TMC5: variants seen among roughly 807,000 people sequenced by gnomAD.
TMC5 encodes transmembrane channel-like protein 5.
TMC5 carries 86 observed loss-of-function variants against 110.5 expected under a neutral mutation model. That is an observed-to-expected ratio of 0.78 (90% CI 0.65 to 0.93). TMC5 has a LOEUF of 0.93. Among genes scored for constraint, TMC5 ranks in the 40% least tolerant of loss-of-function variants. The pLI, the probability that TMC5 is intolerant of heterozygous loss-of-function variation, is 0.00. For missense variants in TMC5, 1,144 were observed against 1,222.8 expected (o/e 0.94, Z 0.96); for synonymous variants, 455 against 439.5 (o/e 1.04, Z -0.44).
chr16:19,440,627 C>A lies in TMC5; in HGVS notation c.589C>A (p.Pro197Thr). The change falls in exon 3 of 22, where the codon CCA (proline) becomes ACA (threonine). Residue 197 changes from proline to threonine, a missense_variant. By Grantham distance (38) the Pro-to-Thr change is conservative. Coordinates refer to ENST00000542583, the MANE Select transcript of TMC5 (RefSeq NM_001261841.2). The stretch of plus-strand genomic sequence containing the variant: ...GGAACATACAAGTTTTAGAATCAAT[C>A]CATACGCAGACTCTCTGGGAAAGCC... ...NLEHTSFRIN[P>T]YADSLGKPDY... 6.2e-7 allele frequency: 1 copy of A among 1,614,204 alleles called. No homozygotes were observed. Among genetic ancestry groups the A allele is most frequent in the Non-Finnish European group, 8.5e-7 (1 of 1,180,036 alleles).
At chr16:19,424,770 C>G (rs184040127) in intron 1 of TMC5, among the ~76,000 whole-genome samples, 133 of 152,330 alleles carry the variant, frequency 8.7e-4, no homozygotes, top group Admixed American at 1.4e-3. Flanking sequence ...GTGTGTCACT[C>G]TCTAAGAATG....
intron 20 of TMC5, among the ~76,000 whole-genome samples, chr16:19,495,009 TTC>T (rs1319956985): frequency 5.1e-5 from 2 of 39,508 alleles, no homozygotes; most frequent in African/African-American, 1.0e-4. Context: ...TCAGTGTCTA[TTC>T]TTTTTTTTTT....
At position 19,498,091 on chromosome 16, in the gene TMC5, G is replaced by T; in HGVS notation, c.*125G>T. 1 of 874,900 alleles carries T rather than the reference G, an allele frequency of 1.1e-6. No homozygotes were observed. The allele number at this position is 874,900 out of a possible 1,614,324, so 54.2% of individuals were successfully genotyped here. On this transcript the variant is annotated 3_prime_UTR_variant, in exon 22 of 22. Transcript: ENST00000542583. The stretch of plus-strand genomic sequence containing the variant: ...AAAATCCAAGGCTTTAGCCAGGAGC[G>T]GAAACTGACTACCATGTAATTATCA...
rs1968095857 is a variant in TMC5, at chr16:19,464,011, T to C, written c.1472T>C (p.Phe491Ser). ...ACCCTCCAGTTCACTGGGCTGGAGT[T>C]TTTCACTGGGGTGGTAAGTCCTCCA... ...KNTLQFTGLE[F>S]FTGVGYFRDT... The change falls in exon 8 of 22, where the codon TTT becomes TCT. Residue 491 changes from phenylalanine to serine, a missense_variant. By Grantham distance (155) the Phe-to-Ser change is radical. Coordinates refer to ENST00000542583, the MANE Select transcript of TMC5 (RefSeq NM_001261841.2). The C allele has an allele frequency of 1.2e-6, 2 of 1,613,982 alleles. No individual in the cohort carries two copies. Among genetic ancestry groups the C allele is most frequent in the East Asian group, 4.5e-5 (2 of 44,876 alleles).
At chr16:19,488,398 A>T (rs1261394485) in intron 17 of TMC5, among the ~76,000 whole-genome samples, 3 of 152,036 alleles carry the variant, frequency 2.0e-5, no homozygotes, top group Non-Finnish European at 1.5e-5. Context: ...CAGAATGGGG[A>T]GATGCCCCCC....
intron 20 of TMC5, 104 bp downstream of exon 20, chr16:19,494,470 C>A: frequency 1.4e-6 from 1 of 720,036 alleles, no homozygotes; most frequent in Non-Finnish European, 2.4e-6. Flanking sequence ...CATGGAAGGG[C>A]CCTTCACTCT....
rs566650516 is a variant in TMC5 at position 19,498,027 on chromosome 16, T to A, written c.*61T>A. On this transcript the variant is annotated 3_prime_UTR_variant, in exon 22 of 22. Transcript: ENST00000542583. ...GGGAGGAGACGAAAATGGAATGATT[T>A]CTTCCATGCCACCTGTGCCTTTAGG... The A allele has an allele frequency of 2.8e-4, 417 of 1,504,036 alleles. 1 individual carries two copies. The South Asian group carries it at 4.4e-3, about 16-fold the overall frequency. 93.2% of individuals were successfully genotyped at this position (1,504,036 alleles called of 1,614,324 possible). A position where few individuals can be genotyped will look rare whatever the true frequency, so the allele number is the denominator to read the frequency against.
At chr16:19,455,576 G>A (rs1451026649) in intron 5 of TMC5, among the ~76,000 whole-genome samples, 7 of 152,166 alleles carry the variant, frequency 4.6e-5, no homozygotes, top group East Asian at 3.9e-4. Context: ...GCAGGTGAAC[G>A]TTCGTTCTCT....
chr16:19,443,979 G>A, intron 3 of TMC5, 102 bp from the exon 4 acceptor site: 2 of 1,158,982 alleles, frequency 1.7e-6, no homozygotes, highest in Non-Finnish European at 2.5e-6. Flanking sequence ...ATAAATAAAT[G>A]GATGAATACA....
At chr16:19,458,997 C>T (rs139000119) in intron 5 of TMC5, among the ~76,000 whole-genome samples, 1 of 152,124 alleles carries the variant, frequency 6.6e-6, no homozygotes, top group East Asian at 1.9e-4. Flanking sequence ...CACATGCAGA[C>T]ACAACAATAA....
At chr16:19,465,778 G>GGC (rs1400764546) in intron 8 of TMC5, among the ~76,000 whole-genome samples, 2 of 152,168 alleles carry the variant, frequency 1.3e-5, no homozygotes, top group Non-Finnish European at 2.9e-5. Context: ...TGGTGACAGA[G>GGC]GCACATAATA....
upstream of TMC5, among the ~76,000 whole-genome samples, chr16:19,413,230 T>C (rs942155787): frequency 1.3e-5 from 2 of 152,094 alleles, no homozygotes; most frequent in African/African-American, 4.8e-5. Context: ...TGCCTTTAAG[T>C]GTGCCAGGGC....
chr16:19,464,449 G>A (rs1363476511), intron 8 of TMC5, among the ~76,000 whole-genome samples: 1 of 152,102 alleles, frequency 6.6e-6, no homozygotes, highest in African/African-American at 2.4e-5. Flanking sequence ...AATCAATAAA[G>A]TGTTTTCCTG....
chr16:19,451,307 G>A (rs9928719), intron 5 of TMC5, among the ~76,000 whole-genome samples: 4,499 of 152,174 alleles, frequency 0.03, 211 homozygotes, highest in African/African-American at 0.1. Context: ...CAGCCCCATC[G>A]CCTATAAGAT....
chr16:19,456,494 C>T lies in TMC5; in HGVS notation c.1049-3741C>T, dbSNP rs1047522531. On this transcript the variant is annotated intron_variant, in intron 5 of 21. Transcript: ENST00000542583. ...AACACTCCTTCTCCTGAGAAAACTC[C>T]TCAGGGGTTAGATGCAGGGAGTTAT... 25 of 1,280,154 alleles carry T rather than the reference C, an allele frequency of 2.0e-5. No homozygotes were observed. The African/African-American group carries it at 3.7e-4, about 19-fold the overall frequency. 79.3% of individuals were successfully genotyped at this position (1,280,154 alleles called of 1,614,324 possible).
Position 19,439,999 on chromosome 16 carries a change from G to T in TMC5, c.-40G>T. On this transcript the variant is annotated 5_prime_UTR_variant, in exon 3 of 22. Transcript: ENST00000542583. The stretch of plus-strand genomic sequence containing the variant: ...AGATCCCTGAGTAATTGCAAATGCT[G>T]GGACAGTTTACCACTCCAGGGTGAA... The T allele has an allele frequency of 1.3e-6, 2 of 1,502,630 alleles. No individual in the cohort carries two copies. The highest frequency in any genetic ancestry group is 1.8e-6 in the Non-Finnish European group (2 of 1,106,586). The allele number at this position is 1,502,630 out of a possible 1,614,324, so 93.1% of individuals were successfully genotyped here. A position where few individuals can be genotyped will look rare whatever the true frequency, so the allele number is the denominator to read the frequency against.
intron 5 of TMC5, among the ~76,000 whole-genome samples, chr16:19,458,443 C>T (rs539949065): frequency 2.0e-5 from 3 of 152,172 alleles, no homozygotes; most frequent in Admixed American, 6.5e-5. Flanking sequence ...GAACTCCCGA[C>T]CTCAGGTGAT....
intron 7 of TMC5, among the ~76,000 whole-genome samples, 196 bp downstream of exon 7, chr16:19,463,563 T>G (rs1269839694): frequency 6.6e-6 from 1 of 152,220 alleles, no homozygotes; most frequent in Admixed American, 6.5e-5. Context: ...TTGGCCAACT[T>G]GGCCATTGTG....
At chr16:19,462,222 A>G (rs965176787) in intron 6 of TMC5, among the ~76,000 whole-genome samples, 1 of 152,166 alleles carries the variant, frequency 6.6e-6, no homozygotes, top group Non-Finnish European at 1.5e-5. Context: ...TACAAGTAAC[A>G]TCTGAGGGCT....
Sources: gnomAD v4.1 joint callset for allele counts (sites outside exome capture counted in the v4.1 genomes callset) on GRCh38, gnomAD v4.1.1 for gene constraint, MANE v1.5 for transcripts, NCBI Gene and HGNC (gene_info 2026-07-23, HGNC 2026-07-21) for gene names.